UGT1A8: variants seen among roughly 807,000 people sequenced by gnomAD.
UGT1A8 encodes the protein UDP-glucuronosyltransferase 1A8.
Under a neutral mutation model 45.3 loss-of-function variants are expected in UGT1A8, and 39 were observed. The observed-to-expected ratio is 0.86, with a 90% CI of 0.67 to 1.12. The LOEUF is 1.12. UGT1A8 is among the 50% of genes most tolerant of loss of function. The pLI, the probability that UGT1A8 is intolerant of heterozygous loss-of-function variation, is 0.00. For synonymous variants in UGT1A8, 275 were observed against 249.2 expected (o/e 1.10, Z -0.97); for missense variants, 719 against 664.9 (o/e 1.08, Z -0.90).
intron 1 of UGT1A8, among the ~76,000 whole-genome samples, chr2:233,623,803 A>G (rs1293632599): frequency 6.6e-6 from 1 of 152,144 alleles, no homozygotes; most frequent in African/African-American, 2.4e-5. Context: ...CAAATGGGAA[A>G]GAATAGTCTC....
At chr2:233,628,528 T>C (rs1462660921) in intron 1 of UGT1A8, among the ~76,000 whole-genome samples, 1 of 152,140 alleles carries the variant, frequency 6.6e-6, no homozygotes, top group African/African-American at 2.4e-5. Context: ...TTGTTATTAT[T>C]CCTACATAGA....
intron 1 of UGT1A8, chr2:233,648,709 C>T: frequency 2.4e-6 from 1 of 415,238 alleles, no homozygotes; most frequent in Non-Finnish European, 4.5e-6. Flanking sequence ...CGTGATCCGC[C>T]CGCCTTGGCC....
chr2:233,769,741 GCCACTC>G lies in UGT1A8; in HGVS notation c.1295+1303_1295+1308del. The G allele has an allele frequency of 6.9e-7, 1 of 1,452,214 alleles. No individual in the cohort carries two copies. Among genetic ancestry groups the G allele is most frequent in the Non-Finnish European group, 9.1e-7 (1 of 1,101,348 alleles). 90.0% of individuals were successfully genotyped at this position (1,452,214 alleles called of 1,614,324 possible). On this transcript the variant is annotated intron_variant, in intron 4 of 4. Coordinates refer to ENST00000373450, the MANE Select transcript of UGT1A8 (RefSeq NM_019076.5). The surrounding 1 kb of genome is among the most constrained non-coding windows in gnomAD (Gnocchi z 4.4). ...ACCATGGCACACGCCTGTAGTCCCA[GCCACTC>G]TGGAGGCTAAGGCGGGAGGATTGCT... is the stretch of plus-strand genomic sequence containing the variant.
chr2:233,627,944 G>C (rs1025234386), intron 1 of UGT1A8, among the ~76,000 whole-genome samples: 4 of 151,936 alleles, frequency 2.6e-5, no homozygotes, highest in African/African-American at 9.7e-5. Context: ...TTTTTACTCT[G>C]ACATGCAATT....
chr2:233,664,224 C>A (rs889835847), intron 1 of UGT1A8, among the ~76,000 whole-genome samples: 1 of 152,148 alleles, frequency 6.6e-6, no homozygotes, highest in Non-Finnish European at 1.5e-5. Flanking sequence ...TGGTCACAAG[C>A]ATTTAACCAG....
chr2:233,627,624 T>TCCTTTCTTC (rs2073108297), intron 1 of UGT1A8, among the ~76,000 whole-genome samples: 2 of 111,934 alleles, frequency 1.8e-5, no homozygotes, highest in Admixed American at 2.0e-4. Flanking sequence ...TTCCTTCCTT[T>TCCTTTCTTC]CTTCCTTCCT....
chr2:233,718,509 G>A (rs776286738), intron 1 of UGT1A8, among the ~76,000 whole-genome samples: 2 of 152,224 alleles, frequency 1.3e-5, no homozygotes, highest in Non-Finnish European at 2.9e-5. Flanking sequence ...GCAGTGACAT[G>A]AAATGGGTGT....
At chr2:233,716,874 C>T (rs146573773) in intron 1 of UGT1A8, among the ~76,000 whole-genome samples, 54 of 152,252 alleles carry the variant, frequency 3.5e-4, no homozygotes, top group Admixed American at 8.5e-4. Context: ...CCAAGTCTAT[C>T]TGTGCAGCCC....
chr2:233,701,793 C>A (rs532653628), intron 1 of UGT1A8, among the ~76,000 whole-genome samples: 26 of 152,232 alleles, frequency 1.7e-4, no homozygotes, highest in African/African-American at 6.0e-4. Context: ...TCTTTGAAAT[C>A]AACGAGAACA....
At chr2:233,764,298 G>A (rs1320441199) in intron 1 of UGT1A8, among the ~76,000 whole-genome samples, 1 of 152,076 alleles carries the variant, frequency 6.6e-6, no homozygotes, top group African/African-American at 2.4e-5. Flanking sequence ...GTGAAGTCAG[G>A]GTGAAGTTTA....
rs145912061 is a variant in UGT1A8 at position 233,761,006 on chromosome 2, G to A, written c.856-6028G>A. The A allele has an allele frequency of 8.7e-6, 14 of 1,614,158 alleles. No individual in the cohort carries two copies. The highest frequency in any genetic ancestry group is 1.2e-5 in the Non-Finnish European group (14 of 1,180,024). ...ACCCTTGCCTCAGAATTCCTTCAGAGAGAGGTGACTGTCCAGGACCTATTG... is the reference window on the plus strand; with the variant it reads ...ACCCTTGCCTCAGAATTCCTTCAGAAAGAGGTGACTGTCCAGGACCTATTG... On this transcript the variant is annotated intron_variant, in intron 1 of 4. Transcript: ENST00000373450.
At chr2:233,761,135 A>G (rs755308142) in intron 1 of UGT1A8, 1 of 1,614,240 alleles carries the variant, frequency 6.2e-7, no homozygotes. Context: ...TGCCTTCACC[A>G]AAATCCACTA....
intron 1 of UGT1A8, among the ~76,000 whole-genome samples, chr2:233,716,508 C>T (rs1254652307): frequency 6.6e-6 from 1 of 152,162 alleles, no homozygotes; most frequent in African/African-American, 2.4e-5. Context: ...GGCTTCAGAG[C>T]TCTCAGCTTA....
At chr2:233,733,854 T>G (rs1332608655) in intron 1 of UGT1A8, among the ~76,000 whole-genome samples, 12 of 152,088 alleles carry the variant, frequency 7.9e-5, no homozygotes, top group Admixed American at 7.9e-4. Flanking sequence ...CTTTTTCTAT[T>G]GATTGGAATA....
chr2:233,627,714 G>T (rs1397568772), intron 1 of UGT1A8, among the ~76,000 whole-genome samples: 1 of 139,514 alleles, frequency 7.2e-6, no homozygotes, highest in Non-Finnish European at 1.5e-5. Context: ...TCCTTATCTA[G>T]CTTCATTTAT....
rs570257028 is a variant in UGT1A8, at chr2:233,711,809, T to C, written c.856-55225T>C. Among the ~76,000 whole-genome samples the C allele has an allele frequency of 2.0e-5, 3 of 152,276 alleles. No individual in the cohort carries two copies. The South Asian group carries it at 6.2e-4, about 32-fold the overall frequency. On this transcript the variant is annotated intron_variant, in intron 1 of 4. Transcript: ENST00000373450. ...CAGCCCAGAGAGCCTGCCCACATCA[T>C]CCTGGGGCGACCAGGACAAGGAGGC...
intron 1 of UGT1A8, chr2:233,747,287 G>A: frequency 6.2e-7 from 1 of 1,601,492 alleles, no homozygotes; most frequent in Admixed American, 1.7e-5. Context: ...GCCCAGCCCT[G>A]GGCTGAGAGT....
chr2:233,672,390 C>G, intron 1 of UGT1A8: 2 of 1,614,076 alleles, frequency 1.2e-6, no homozygotes, highest in South Asian at 2.2e-5. Flanking sequence ...CTTTTGATAA[C>G]TGTGGCTTAA....
chr2:233,755,082 T>A (rs971081603), intron 1 of UGT1A8: 2 of 1,336,596 alleles, frequency 1.5e-6, no homozygotes, highest in South Asian at 2.3e-5. Flanking sequence ...GTCATAGATA[T>A]CGCGTTTCTA....
Sources: gnomAD v4.1 joint callset for allele counts (sites outside exome capture counted in the v4.1 genomes callset) on GRCh38, gnomAD v4.1.1 for gene constraint, Gnocchi (gnomAD v3.1) non-coding constraint, MANE v1.5 for transcripts, NCBI Gene and HGNC (gene_info 2026-07-23, HGNC 2026-07-21) for gene names.